The following LRRC4C variants were observed in gnomAD, a reference collection of about 807,000 sequenced individuals.
LRRC4C encodes leucine rich repeat containing 4C.
LRRC4C carries 5 observed loss-of-function variants against 33.6 expected under a neutral mutation model. The observed-to-expected ratio is 0.15, with a 90% CI of 0.08 to 0.31. LRRC4C has a LOEUF of 0.31. Among genes scored for constraint, LRRC4C ranks in the 10% least tolerant of loss-of-function variants. LRRC4C has a pLI of 1.00. For missense variants in LRRC4C, 560 were observed against 796.7 expected, an observed-to-expected ratio of 0.70 and a Z score of 3.58; for synonymous variants, 329 against 302.0, an observed-to-expected ratio of 1.09 and a Z score of -0.93.
At chr11:41,290,185 G>C (rs572740125) in intron 1 of LRRC4C, among the ~76,000 whole-genome samples, 241 of 152,262 alleles carry the variant, frequency 1.6e-3, no homozygotes, top group African/African-American at 5.7e-3. Flanking sequence ...TTCCCATAAT[G>C]ACAAGAAAGC....
At chr11:41,304,596 C>G (rs1950414655) in intron 1 of LRRC4C, among the ~76,000 whole-genome samples, 1 of 113,048 alleles carries the variant, frequency 8.8e-6, no homozygotes, top group African/African-American at 3.4e-5. Flanking sequence ...CCCCGCCCGG[C>G]CAGCCGCCCC....
chr11:40,620,450 G>A (rs577788265), intron 3 of LRRC4C, among the ~76,000 whole-genome samples: 1 of 151,826 alleles, frequency 6.6e-6, no homozygotes, highest in African/African-American at 2.4e-5. Context: ...AGACCAGAAA[G>A]CATTCGAAGA....
intron 5 of LRRC4C, among the ~76,000 whole-genome samples, chr11:40,191,931 C>A (rs1861869401): frequency 6.6e-6 from 1 of 152,004 alleles, no homozygotes; most frequent in Non-Finnish European, 1.5e-5. Context: ...CTGCACTCCA[C>A]CCTGGGTGAC....
chr11:41,208,465 G>A (rs1946688105), intron 1 of LRRC4C, among the ~76,000 whole-genome samples: 2 of 152,182 alleles, frequency 1.3e-5, no homozygotes, highest in South Asian at 4.1e-4. Flanking sequence ...CACATAGGAT[G>A]AGGCTGGACA....
rs548409879 is a variant in LRRC4C, at chr11:40,485,394, T to G, written c.-270+162748A>C. ...CTCTCTCCCTCCCTCTTTCATATAT[T>G]AGAGTTACATGTTTATTCTGTTTTT... On this transcript the variant is annotated intron_variant, in intron 3 of 6. Transcript: ENST00000528697. Among the ~76,000 whole-genome samples the G allele has an allele frequency of 2.0e-5, 3 of 152,046 alleles. No individual in the cohort carries two copies. In the East Asian group the frequency reaches 5.8e-4, roughly 29 times the overall value.
chr11:41,089,557 G>A (rs540137263), intron 1 of LRRC4C, among the ~76,000 whole-genome samples: 134 of 152,048 alleles, frequency 8.8e-4, no homozygotes, highest in Non-Finnish European at 1.6e-3. Flanking sequence ...TCTATTCAAC[G>A]TAAGTGCAGG....
intron 1 of LRRC4C, among the ~76,000 whole-genome samples, chr11:41,125,598 A>G (rs1565406541): frequency 6.6e-6 from 1 of 152,198 alleles, no homozygotes; most frequent in African/African-American, 2.4e-5. Flanking sequence ...GTCGCTCATC[A>G]AGGTAGTCTA....
chr11:40,957,342 G>A (rs1248082680), intron 1 of LRRC4C, among the ~76,000 whole-genome samples: 1 of 151,550 alleles, frequency 6.6e-6, no homozygotes, highest in Non-Finnish European at 1.5e-5. Context: ...AGTTCTTTAG[G>A]TACACTGAAG....
At chr11:40,818,414 C>T (rs1237725010) in intron 2 of LRRC4C, among the ~76,000 whole-genome samples, 1 of 151,992 alleles carries the variant, frequency 6.6e-6, no homozygotes. Context: ...TCTTGCAACA[C>T]TAAATTGCTA....
At chr11:40,661,522 C>T (rs1038475775) in intron 2 of LRRC4C, among the ~76,000 whole-genome samples, 7 of 152,198 alleles carry the variant, frequency 4.6e-5, no homozygotes, top group African/African-American at 1.7e-4. Context: ...AAGTCATACT[C>T]AGTTTAACTC....
intron 2 of LRRC4C, among the ~76,000 whole-genome samples, chr11:40,725,470 T>C (rs1464676819): frequency 6.7e-6 from 1 of 149,180 alleles, no homozygotes; most frequent in Non-Finnish European, 1.5e-5. Flanking sequence ...GAGCCGAGAA[T>C]CCACCACTGC....
chr11:41,192,458 CACAT>C (rs1946000281), intron 1 of LRRC4C, among the ~76,000 whole-genome samples: 1 of 151,908 alleles, frequency 6.6e-6, no homozygotes, highest in Non-Finnish European at 1.5e-5. Context: ...CACACACACA[CACAT>C]ACACATATAT....
intron 1 of LRRC4C, among the ~76,000 whole-genome samples, chr11:41,060,800 C>CT (rs1937702180): frequency 6.6e-6 from 1 of 152,166 alleles, no homozygotes; most frequent in Non-Finnish European, 1.5e-5. Flanking sequence ...CCACTTAAAT[C>CT]TTTAAGCCAG....
chr11:41,284,097 A>T (rs1388574303), intron 1 of LRRC4C, among the ~76,000 whole-genome samples: 2 of 152,230 alleles, frequency 1.3e-5, no homozygotes, highest in Non-Finnish European at 1.5e-5. Context: ...TAATAATATA[A>T]CTTTCACATA....
intron 2 of LRRC4C, among the ~76,000 whole-genome samples, chr11:40,835,106 A>C (rs1306384013): frequency 6.6e-6 from 1 of 152,190 alleles, no homozygotes; most frequent in African/African-American, 2.4e-5. Context: ...TATAGCTTAA[A>C]GAAAACTTAA....
intron 2 of LRRC4C, among the ~76,000 whole-genome samples, chr11:40,789,510 C>T (rs1950547138): frequency 6.6e-6 from 1 of 152,122 alleles, no homozygotes; most frequent in Non-Finnish European, 1.5e-5. Flanking sequence ...CTCTCTCTCT[C>T]TGTTTTAATT....
chr11:40,855,052 C>T (rs193203474), intron 2 of LRRC4C, among the ~76,000 whole-genome samples: 94 of 152,230 alleles, frequency 6.2e-4, no homozygotes, highest in African/African-American at 2.2e-3. Flanking sequence ...GCTGATACTT[C>T]CATTTCTCTG....
intron 1 of LRRC4C, among the ~76,000 whole-genome samples, chr11:41,265,106 A>G (rs548117045): frequency 1.6e-4 from 25 of 152,288 alleles, no homozygotes; most frequent in Non-Finnish European, 2.6e-4. Flanking sequence ...TAAATAAATG[A>G]ACAGAATAGT....
chr11:40,147,871 A>G (rs868811229), intron 5 of LRRC4C, among the ~76,000 whole-genome samples: 3 of 151,882 alleles, frequency 2.0e-5, no homozygotes, highest in Middle Eastern at 3.4e-3. Flanking sequence ...TTCATTAGTT[A>G]TTTTTCTTGA....
Sources: gnomAD v4.1 joint callset for allele counts (sites outside exome capture counted in the v4.1 genomes callset) on GRCh38, gnomAD v4.1.1 for gene constraint, MANE v1.5 for transcripts, NCBI Gene and HGNC (gene_info 2026-07-23, HGNC 2026-07-21) for gene names.